SCMH1: variants seen among roughly 807,000 people sequenced by gnomAD.
SCMH1 encodes polycomb protein SCMH1.
SCMH1 carries 37 observed loss-of-function variants against 70.8 expected under a neutral mutation model. That is an observed-to-expected ratio of 0.52 (90% CI 0.40 to 0.69). The LOEUF is 0.69. Among genes scored for constraint, SCMH1 ranks in the 30% least tolerant of loss-of-function variants. SCMH1 has a pLI of 0.00. For missense variants in SCMH1, 607 were observed against 827.3 expected (o/e 0.73, Z 3.27); for synonymous variants, 292 against 307.4 (o/e 0.95, Z 0.52).
intron 5 of SCMH1, among the ~76,000 whole-genome samples, chr1:41,150,936 CAAA>C (rs71062579): frequency 6.5e-5 from 5 of 76,520 alleles, no homozygotes; most frequent in Admixed American, 1.6e-4. Context: ...GACACCATCT[CAAA>C]AAAAAAAAAA....
exon 6 of SCMH1, chr1:41,142,884 G>A: frequency 6.2e-7 from 1 of 1,613,040 alleles, no homozygotes; most frequent in Non-Finnish European, 8.5e-7. Context: ...TCACCAAGAG[G>A]TGGCTGTAGC....
In SCMH1 at chr1:41,081,999, T is replaced by C. The variant is rs557498362; in HGVS notation, c.746-6548A>G. On this transcript the variant is annotated intron_variant, in intron 8 of 14. Coordinates refer to ENST00000337495, the Ensembl canonical transcript of SCMH1. ...ATAAAACTGTGGTGAGTCAAATAGGTATCCATATGGAAAAAAATTAAACTT... is the reference window on the plus strand; with the variant it reads ...ATAAAACTGTGGTGAGTCAAATAGGCATCCATATGGAAAAAAATTAAACTT... Among the ~76,000 whole-genome samples, 5 of 152,174 alleles carry C rather than the reference T, an allele frequency of 3.3e-5. No homozygotes were observed. In the South Asian group the frequency reaches 8.3e-4, roughly 25 times the overall value.
intron 8 of SCMH1, among the ~76,000 whole-genome samples, chr1:41,092,544 G>C (rs1236611948): frequency 6.6e-6 from 1 of 152,184 alleles, no homozygotes; most frequent in Non-Finnish European, 1.5e-5. Flanking sequence ...AAACGAAAGA[G>C]CTTCTGCACA....
At chr1:41,067,853 A>G (rs954434492) in intron 10 of SCMH1, among the ~76,000 whole-genome samples, 2 of 152,132 alleles carry the variant, frequency 1.3e-5, no homozygotes, top group African/African-American at 2.4e-5. Context: ...GAAATGTACC[A>G]CTCTGGTGGA....
At chr1:41,137,109 T>G (rs1200178769) in intron 6 of SCMH1, among the ~76,000 whole-genome samples, 1 of 152,192 alleles carries the variant, frequency 6.6e-6, no homozygotes, top group African/African-American at 2.4e-5. Flanking sequence ...TAACTTTGAA[T>G]TATTGCTTTT....
At chr1:41,200,498 T>C (rs1257884114) in intron 1 of SCMH1, among the ~76,000 whole-genome samples, 1 of 106,654 alleles carries the variant, frequency 9.4e-6, no homozygotes, top group East Asian at 2.2e-4. Context: ...TAAATAAATG[T>C]AATAATAATA....
At chr1:41,207,526 C>T (rs1655848916) in intron 1 of SCMH1, among the ~76,000 whole-genome samples, 1 of 152,154 alleles carries the variant, frequency 6.6e-6, no homozygotes, top group Non-Finnish European at 1.5e-5. Context: ...TACAGGAGCA[C>T]CCAGATTCAT....
At chr1:41,237,675 C>T (rs1054883979) in intron 1 of SCMH1, among the ~76,000 whole-genome samples, 1 of 152,164 alleles carries the variant, frequency 6.6e-6, no homozygotes, top group Admixed American at 6.5e-5. Flanking sequence ...ATACCCTATG[C>T]TTTCCCTATT....
At chr1:41,074,849 G>C (rs1047650396) in intron 9 of SCMH1, among the ~76,000 whole-genome samples, 1 of 152,158 alleles carries the variant, frequency 6.6e-6, no homozygotes, top group African/African-American at 2.4e-5. Flanking sequence ...GGGTATGGAT[G>C]AATGACCGCC....
intron 2 of SCMH1, among the ~76,000 whole-genome samples, chr1:41,162,243 C>T (rs1557703684): frequency 6.6e-6 from 1 of 152,172 alleles, no homozygotes; most frequent in East Asian, 1.9e-4. Flanking sequence ...CCCTGCCTGG[C>T]TTCTCCCTGC....
intron 6 of SCMH1, among the ~76,000 whole-genome samples, chr1:41,134,195 T>C (rs1164311651): frequency 6.6e-6 from 1 of 152,156 alleles, no homozygotes; most frequent in African/African-American, 2.4e-5. Flanking sequence ...CATGATTATC[T>C]TAATAGATGC....
rs974897247 is a variant in SCMH1 at position 41,085,992 on chromosome 1, C to T, written c.746-10541G>A. ...AGTAGTTGGGATTACAGGTACCCAC[C>T]GCCACGCCCAGCTAATTTCTGTATT... On this transcript the variant is annotated intron_variant, in intron 8 of 14. Coordinates refer to ENST00000337495, the Ensembl canonical transcript of SCMH1. Among the ~76,000 whole-genome samples, 9 of 151,748 alleles carry T rather than the reference C, an allele frequency of 5.9e-5. No homozygotes were observed. The East Asian group carries it at 1.2e-3, about 20-fold the overall frequency.
At chr1:41,105,390 T>C (rs1667652094) in intron 8 of SCMH1, among the ~76,000 whole-genome samples, 1 of 152,192 alleles carries the variant, frequency 6.6e-6, no homozygotes, top group African/African-American at 2.4e-5. Flanking sequence ...TCAGAAAATA[T>C]AGTATAACCT....
chr1:41,160,765 GAGAC>G, intron 4 of SCMH1, 106 bp downstream of exon 4: 1 of 1,018,176 alleles, frequency 9.8e-7, no homozygotes, highest in Non-Finnish European at 1.5e-6. Context: ...ACTGGTTTCT[GAGAC>G]AGAGACACGT....
At chr1:41,210,522 G>T (rs1656765244) in intron 1 of SCMH1, among the ~76,000 whole-genome samples, 1 of 152,074 alleles carries the variant, frequency 6.6e-6, no homozygotes, top group Non-Finnish European at 1.5e-5. Context: ...ATAGACCAAT[G>T]GAACAGAACA....
intron 1 of SCMH1, among the ~76,000 whole-genome samples, chr1:41,228,750 A>G (rs926733062): frequency 2.9e-4 from 24 of 83,004 alleles, no homozygotes; most frequent in Non-Finnish European, 3.9e-4. Context: ...TGACTTGGGG[A>G]AAAAAAAAAA....
chr1:41,218,126 G>A (rs1376024793), intron 1 of SCMH1, among the ~76,000 whole-genome samples: 1 of 152,084 alleles, frequency 6.6e-6, no homozygotes, highest in Non-Finnish European at 1.5e-5. Context: ...TATTTAGATG[G>A]GATTTTGGAC....
intron 2 of SCMH1, among the ~76,000 whole-genome samples, chr1:41,171,072 G>A (rs909953292): frequency 3.9e-5 from 6 of 152,336 alleles, no homozygotes; most frequent in Admixed American, 1.3e-4. Flanking sequence ...TTATGCATAA[G>A]TTCAGCAGCA....
rs556674659 is a variant in SCMH1 at position 41,106,139 on chromosome 1, T to C, written c.745+7144A>G. ...ATCTGCCCGCCTCGGCCTCCCAAAGTGCTGGGATTACAAGTGTGAGCCACC... is the reference window on the plus strand; with the variant it reads ...ATCTGCCCGCCTCGGCCTCCCAAAGCGCTGGGATTACAAGTGTGAGCCACC... On this transcript the variant is annotated intron_variant, in intron 8 of 14. Transcript: ENST00000337495. Among the ~76,000 whole-genome samples, 4 of 151,932 alleles carry C rather than the reference T, an allele frequency of 2.6e-5. No individual in the cohort carries two copies. The South Asian group carries it at 8.3e-4, about 32-fold the overall frequency.
Sources: allele counts gnomAD v4.1 joint callset (sites outside exome capture counted in the v4.1 genomes callset), GRCh38; gene constraint gnomAD v4.1.1; transcripts MANE v1.5; gene names NCBI Gene and HGNC (gene_info 2026-07-23, HGNC 2026-07-21).